Variants in DNAAF11 observed in about 807,000 individuals in gnomAD.
The protein encoded by DNAAF11 is leucine rich repeat containing 6.
Under a neutral mutation model 60.8 loss-of-function variants are expected in DNAAF11, and 45 were observed. That is an observed-to-expected ratio of 0.74 (90% CI 0.58 to 0.95). DNAAF11 has a LOEUF of 0.95. Ranked by LOEUF, DNAAF11 falls within the 40% of genes least tolerant of loss-of-function variation. DNAAF11 has a pLI of 0.00. For missense variants in DNAAF11, 546 were observed against 546.2 expected, an observed-to-expected ratio of 1.00 and a Z score of 0.00; for synonymous variants, 191 against 183.5, an observed-to-expected ratio of 1.04 and a Z score of -0.33.
At position 132,610,192 on chromosome 8, in the gene DNAAF11, C is replaced by T; in HGVS notation, c.1114G>A (p.Gly372Ser). 1 of 1,613,786 alleles carries T rather than the reference C, an allele frequency of 6.2e-7. No individual in the cohort carries two copies. Among genetic ancestry groups the T allele is most frequent in the Non-Finnish European group, 8.5e-7 (1 of 1,179,844 alleles). The change falls in exon 10 of 12, where the codon GGT becomes AGT. Residue 372 changes from glycine (G) to serine (S), a missense_variant. Coordinates refer to ENST00000620350, the MANE Select transcript of DNAAF11 (RefSeq NM_012472.6). ...SSSAKRSQTT[G>S]HLVICMPKVG... Reference sequence around the variant, plus strand: ...TTGGGCATGCAGATGACCAAATGACCCGTTGTCTGAGATCTTTTAGCAGAA... The same window carrying T: ...TTGGGCATGCAGATGACCAAATGACTCGTTGTCTGAGATCTTTTAGCAGAA...
intron 10 of DNAAF11, among the ~76,000 whole-genome samples, chr8:132,606,489 T>C (rs1348235321): frequency 6.6e-6 from 1 of 152,146 alleles, no homozygotes; most frequent in East Asian, 1.9e-4. Context: ...TATTTTTATT[T>C]TTCGAGACAG....
the DNAAF11 span, among the ~76,000 whole-genome samples, chr8:132,696,177 T>C: frequency 6.6e-6 from 1 of 151,998 alleles, no homozygotes; most frequent in Admixed American, 6.6e-5. Flanking sequence ...CCAGGAAAAA[T>C]GCACATGAAA....
At position 132,651,581 on chromosome 8, in the gene DNAAF11, G is replaced by A. The variant is rs552443413; in HGVS notation, c.256+5249C>T. Among the ~76,000 whole-genome samples, 13 of 152,282 alleles carry A rather than the reference G, an allele frequency of 8.5e-5. No homozygotes were observed. The East Asian group carries it at 1.4e-3, about 16-fold the overall frequency. ...AGACCTGTTCAGGTAAAAGGCAGGA[G>A]GGGGGTTGGCCTGCAGTTTGCCAAG... On this transcript the variant is annotated intron_variant, in intron 3 of 11. Coordinates refer to ENST00000620350, the MANE Select transcript of DNAAF11 (RefSeq NM_012472.6).
chr8:132,615,092 T>A lies in DNAAF11; in HGVS notation c.920A>T (p.Asp307Val). The A allele has an allele frequency of 6.2e-7, 1 of 1,603,508 alleles. No individual in the cohort carries two copies. Among genetic ancestry groups the A allele is most frequent in the Non-Finnish European group, 8.5e-7 (1 of 1,171,096 alleles). ...KALNVNEPKI[D>V]FSLKDNEKQI... ...CTTTTCGTTATCTTTCAAAGAGAAGTCAATTCTAAGAATAACACATTTGGT... is the reference window on the plus strand; with the variant it reads ...CTTTTCGTTATCTTTCAAAGAGAAGACAATTCTAAGAATAACACATTTGGT... The change falls in exon 8 of 12, where the codon GAC (aspartate) becomes GTC (valine). Residue 307 changes from aspartate (D) to valine (V), a missense_variant. Coordinates refer to ENST00000620350, the MANE Select transcript of DNAAF11 (RefSeq NM_012472.6).
chr8:132,592,338 T>C (rs187510289), intron 10 of DNAAF11, among the ~76,000 whole-genome samples: 3 of 152,310 alleles, frequency 2.0e-5, no homozygotes, highest in African/African-American at 7.2e-5. Context: ...GGGAGTGTTA[T>C]CTGAGCTAGA....
At chr8:132,575,465 C>T (rs1814643850) in intron 11 of DNAAF11, among the ~76,000 whole-genome samples, 1 of 152,096 alleles carries the variant, frequency 6.6e-6, no homozygotes, top group African/African-American at 2.4e-5. Context: ...GTAATCAGTG[C>T]TAGGAATTTA....
At chr8:132,629,473 G>A (rs990729248) in intron 5 of DNAAF11, among the ~76,000 whole-genome samples, 1 of 151,338 alleles carries the variant, frequency 6.6e-6, no homozygotes, top group African/African-American at 2.4e-5. Flanking sequence ...TCAACCTCCC[G>A]AGTAGCTGGG....
intron 11 of DNAAF11, chr8:132,578,546 C>T: frequency 1.4e-5 from 18 of 1,329,422 alleles, no homozygotes; most frequent in Non-Finnish European, 1.8e-5. Flanking sequence ...GATTTAACAT[C>T]ATGGAAGTAA....
chr8:132,628,071 G>A (rs919029067), intron 5 of DNAAF11, among the ~76,000 whole-genome samples: 1 of 152,036 alleles, frequency 6.6e-6, no homozygotes, highest in Non-Finnish European at 1.5e-5. Context: ...ATCTCTTCAA[G>A]ACAGCTCAAA....
intron 5 of DNAAF11, among the ~76,000 whole-genome samples, chr8:132,630,310 G>A (rs569891217): frequency 3.3e-5 from 5 of 152,288 alleles, no homozygotes; most frequent in African/African-American, 1.2e-4. Context: ...ATGAACCCAT[G>A]AATACATGGT....
chr8:132,657,264 C>T (rs894883479), intron 2 of DNAAF11, among the ~76,000 whole-genome samples: 4 of 152,142 alleles, frequency 2.6e-5, no homozygotes, highest in East Asian at 1.9e-4. Flanking sequence ...TTTTGGCAAC[C>T]GTGTGATACA....
At chr8:132,633,244 C>T (rs974162772) in intron 4 of DNAAF11, among the ~76,000 whole-genome samples, 1 of 151,974 alleles carries the variant, frequency 6.6e-6, no homozygotes, top group Non-Finnish European at 1.5e-5. Flanking sequence ...TTTATAATTG[C>T]TCACTATGTC....
At chr8:132,698,971 C>CA in the DNAAF11 span, among the ~76,000 whole-genome samples, 3 of 142,396 alleles carry the variant, frequency 2.1e-5, no homozygotes, top group African/African-American at 8.1e-5. Flanking sequence ...CACACACACA[C>CA]AAAAAAAATT....
upstream of DNAAF11, among the ~76,000 whole-genome samples, chr8:132,680,481 T>G (rs903713238): frequency 1.7e-4 from 26 of 152,200 alleles, no homozygotes; most frequent in Admixed American, 5.9e-4. Flanking sequence ...TTAGTTCTTT[T>G]TATTTTCATT....
rs781718856 is a variant in DNAAF11 at position 132,661,586 on chromosome 8, A to G, written c.52T>C (p.Cys18Arg). The G allele has an allele frequency of 1.2e-6, 2 of 1,614,010 alleles. No individual in the cohort carries two copies. Among genetic ancestry groups the G allele is most frequent in the East Asian group, 2.2e-5 (1 of 44,892 alleles). The change falls in exon 2 of 12, where the codon TGT becomes CGT. Residue 18 changes from cysteine (C) to arginine (R), a missense_variant. Transcript: ENST00000620350. ...AGTTCCTCCAGGGAAAAAATGACAC[A>G]GTCGTTGTGTTCAGCATTCCGTCTA... ...LIRRNAEHND[C>R]VIFSLEELSL...
chr8:132,617,654 A>T (rs994162552), intron 7 of DNAAF11, among the ~76,000 whole-genome samples: 10 of 152,146 alleles, frequency 6.6e-5, no homozygotes, highest in Non-Finnish European at 1.3e-4. Flanking sequence ...AACTTCCAAC[A>T]CTATGTTGAA....
At chr8:132,642,430 G>A (rs1226209211) in intron 3 of DNAAF11, among the ~76,000 whole-genome samples, 2 of 152,234 alleles carry the variant, frequency 1.3e-5, no homozygotes, top group African/African-American at 4.8e-5. Context: ...CTGCATTGGG[G>A]CTGGCCCCAG....
At chr8:132,602,471 C>A (rs930218647) in intron 10 of DNAAF11, among the ~76,000 whole-genome samples, 4 of 152,114 alleles carry the variant, frequency 2.6e-5, no homozygotes, top group African/African-American at 9.7e-5. Flanking sequence ...GCCTTCCCTT[C>A]CAGCATTCCC....
At chr8:132,616,025 GA>G (rs1341927526) in intron 7 of DNAAF11, among the ~76,000 whole-genome samples, 1 of 152,046 alleles carries the variant, frequency 6.6e-6, no homozygotes, top group Non-Finnish European at 1.5e-5. Context: ...TGCATTTGTA[GA>G]ACCTCATCTC....
Sources: allele counts gnomAD v4.1 joint callset (sites outside exome capture counted in the v4.1 genomes callset), GRCh38; gene constraint gnomAD v4.1.1; transcripts MANE v1.5; gene names NCBI Gene and HGNC (gene_info 2026-07-23, HGNC 2026-07-21).